The following WDR62 variants were observed in gnomAD, a reference collection of about 807,000 sequenced individuals.
WDR62 encodes WD repeat domain 62, also known as WD repeat-containing protein 62.
WDR62 carries 112 observed loss-of-function variants against 160.6 expected under a neutral mutation model. The observed-to-expected ratio is 0.70, with a 90% CI of 0.60 to 0.82. WDR62 has a LOEUF of 0.82. Among genes scored for constraint, WDR62 ranks in the 40% least tolerant of loss-of-function variants. The pLI is 0.00. For missense variants in WDR62, 1,819 were observed against 1,983.8 expected, an observed-to-expected ratio of 0.92 and a Z score of 1.58; for synonymous variants, 792 against 815.1, an observed-to-expected ratio of 0.97 and a Z score of 0.48.
At chr19:36,101,395 T>C in intron 24 of WDR62, 78 bp downstream of exon 24, 3 of 1,271,484 alleles carry the variant, frequency 2.4e-6, no homozygotes, top group Non-Finnish European at 3.4e-6. Context: ...GATGGTGACT[T>C]TGACCCAGTA....
intron 24 of WDR62, 46 bp from the exon 25 acceptor site, chr19:36,101,618 C>A: frequency 6.8e-7 from 1 of 1,463,654 alleles, no homozygotes; most frequent in East Asian, 2.5e-5. Context: ...CCTGGCTCAC[C>A]AGAATGGTCA....
intron 7 of WDR62, chr19:36,070,479 CTT>C (rs1163557794): frequency 2.0e-5 from 3 of 152,348 alleles, no homozygotes; most frequent in Non-Finnish European, 2.9e-5. Context: ...TGCAGAGCTT[CTT>C]TCCTTTAGTA....
intron 2 of WDR62, 151 bp downstream of exon 2, chr19:36,059,022 C>T: frequency 1.4e-6 from 1 of 735,738 alleles, no homozygotes; most frequent in Non-Finnish European, 2.5e-6. Context: ...GAGAGGATTC[C>T]ATAGCCCCCT....
At chr19:36,067,690 G>A in intron 6 of WDR62, 138 bp from the exon 7 acceptor site, 1 of 1,104,324 alleles carries the variant, frequency 9.1e-7, no homozygotes, top group East Asian at 2.5e-5. Flanking sequence ...GTCCAGAGTG[G>A]CAGGGTTCTA....
chr19:36,074,699 G>T (rs1185722839), intron 9 of WDR62, among the ~76,000 whole-genome samples: 2 of 152,154 alleles, frequency 1.3e-5, no homozygotes, highest in East Asian at 3.8e-4. Flanking sequence ...GAATCTGTCT[G>T]CCTTCATGGG....
intron 3 of WDR62, chr19:36,062,649 C>CAAAAAAAAAAA (rs1167386837): frequency 1.0e-4 from 4 of 39,462 alleles, no homozygotes; most frequent in African/African-American, 4.7e-4. Context: ...GAGTCCGTCT[C>CAAAAAAAAAAA]AAAAAAAAAA....
chr19:36,108,632 G>T (rs556639373), downstream of WDR62, among the ~76,000 whole-genome samples: 1 of 152,160 alleles, frequency 6.6e-6, no homozygotes, highest in South Asian at 2.1e-4. Flanking sequence ...GCAGGCAGAC[G>T]GTTTGAGCTC....
Position 36,101,848 on chromosome 19 carries a change from A to T in WDR62, c.3082+74A>T, listed in dbSNP as rs867285936. On this transcript the variant is annotated intron_variant, in intron 25 of 31. Coordinates refer to ENST00000401500, the MANE Select transcript of WDR62 (RefSeq NM_001083961.2). ...AGGGCCAGTCACAATGTCTAAGCAC[A>T]GGCCCTGCACTTGGAGCCCACTGAG... 4 of 1,503,012 alleles carry T rather than the reference A, an allele frequency of 2.7e-6. No individual in the cohort carries two copies. In the Middle Eastern group the frequency reaches 5.3e-4, roughly 198 times the overall value. The allele number at this position is 1,503,012 out of a possible 1,614,324, so 93.1% of individuals were successfully genotyped here. A position where few individuals can be genotyped will look rare whatever the true frequency, so the allele number is the denominator to read the frequency against.
rs574374681 is a variant in WDR62, at chr19:36,097,909, T to G, written c.2520+830T>G. Among the ~76,000 whole-genome samples, 5 of 150,770 alleles carry G rather than the reference T, an allele frequency of 3.3e-5. No homozygotes were observed. In the East Asian group the frequency reaches 9.7e-4, roughly 29 times the overall value. ...AAAAAAATAAAAATAAAAAAGAAAA[T>G]AAGGAGTGTTGGGGGGTGTCAGTTT... On this transcript the variant is annotated intron_variant, in intron 21 of 31. Coordinates refer to ENST00000401500, the MANE Select transcript of WDR62 (RefSeq NM_001083961.2).
Position 36,054,899 on chromosome 19 carries a change from T to C in WDR62, c.-73T>C, listed in dbSNP as rs1478919365. On this transcript the variant is annotated 5_prime_UTR_variant, in exon 1 of 32. Transcript: ENST00000401500. ...CGCCGGCTTTCCCGCGGCTGTTCGC[T>C]GTTCCAGTGGGTCGTGGCGGTGGCG... 3 of 1,530,412 alleles carry C rather than the reference T, an allele frequency of 2.0e-6. No individual in the cohort carries two copies. Among genetic ancestry groups the C allele is most frequent in the Non-Finnish European group, 2.6e-6 (3 of 1,137,066 alleles). The allele number at this position is 1,530,412 out of a possible 1,614,324, so 94.8% of individuals were successfully genotyped here. A position where few individuals can be genotyped will look rare whatever the true frequency, so the allele number is the denominator to read the frequency against.
chr19:36,102,904 G>T (rs770701196), intron 27 of WDR62, 44 bp from the exon 28 acceptor site: 4 of 1,614,066 alleles, frequency 2.5e-6, no homozygotes, highest in Non-Finnish European at 3.4e-6. Flanking sequence ...AGTGCCCCAG[G>T]GCAGGCTGAA....
chr19:36,055,097 A>C lies in WDR62; in HGVS notation c.126A>C (p.Leu42=). ...CGCCCCCCGCCCCACCAATCTGCCT[A>C]CGGCGGCGGACGCGACTCTCGACGG... ...SSPPPAPPIC[L]RRRTRLSTAS... is the part of the protein sequence containing the mutation. The change falls in exon 1 of 32, where the codon CTA becomes CTC. Residue 42 remains leucine, a synonymous_variant. Coordinates refer to ENST00000401500, the MANE Select transcript of WDR62 (RefSeq NM_001083961.2). The C allele has an allele frequency of 6.2e-7, 1 of 1,604,972 alleles. No homozygotes were observed. The highest frequency in any genetic ancestry group is 8.5e-7 in the Non-Finnish European group (1 of 1,176,926).
At chr19:36,088,261 A>G (rs1270828253) in intron 13 of WDR62, among the ~76,000 whole-genome samples, 1 of 152,054 alleles carries the variant, frequency 6.6e-6, no homozygotes, top group East Asian at 1.9e-4. Flanking sequence ...GGGGCATCTC[A>G]CGCCATTGCA....
intron 20 of WDR62, among the ~76,000 whole-genome samples, chr19:36,096,620 A>G (rs1320353931): frequency 1.3e-5 from 2 of 151,598 alleles, no homozygotes; most frequent in East Asian, 3.9e-4. Context: ...CTGAGGCAGG[A>G]GAATGGCATG....
At chr19:36,068,933 C>T (rs1197582347) in intron 7 of WDR62, among the ~76,000 whole-genome samples, 6 of 151,168 alleles carry the variant, frequency 4.0e-5, no homozygotes, top group African/African-American at 7.3e-5. Flanking sequence ...AAGGGGCGGC[C>T]GGGCAGAGGC....
At chr19:36,104,183 G>C (rs1599850471) in intron 30 of WDR62, among the ~76,000 whole-genome samples, 1 of 152,268 alleles carries the variant, frequency 6.6e-6, no homozygotes, top group Non-Finnish European at 1.5e-5. Flanking sequence ...AAACAACACA[G>C]AGAACTGACA....
In WDR62 at chr19:36,088,894, C is replaced by T. The variant is rs1972415723; in HGVS notation, c.1769-144C>T. 4 of 893,816 alleles carry T rather than the reference C, an allele frequency of 4.5e-6. No homozygotes were observed. The East Asian group carries it at 1.1e-4, about 24-fold the overall frequency. 55.4% of individuals were successfully genotyped at this position (893,816 alleles called of 1,614,324 possible). ...AGCTCATACCTTACAGAGTCCCACC[C>T]AGACCCAGCACCCACCTCACCACCT... On this transcript the variant is annotated intron_variant, in intron 13 of 31. Transcript: ENST00000401500.
intron 20 of WDR62, among the ~76,000 whole-genome samples, chr19:36,095,090 C>T (rs1972877574): frequency 6.6e-6 from 1 of 152,114 alleles, no homozygotes; most frequent in Non-Finnish European, 1.5e-5. Context: ...ATAAAAGCAA[C>T]CAGGCTTAAG....
At chr19:36,098,728 G>A (rs1369926693) in intron 21 of WDR62, among the ~76,000 whole-genome samples, 1 of 152,200 alleles carries the variant, frequency 6.6e-6, no homozygotes, top group Non-Finnish European at 1.5e-5. Context: ...TGAGTTGTCA[G>A]CATGTTAACT....
Sources: gnomAD v4.1 joint callset for allele counts (sites outside exome capture counted in the v4.1 genomes callset) on GRCh38, gnomAD v4.1.1 for gene constraint, MANE v1.5 for transcripts, NCBI Gene and HGNC (gene_info 2026-07-23, HGNC 2026-07-21) for gene names.